MKS1: variants seen among roughly 807,000 people sequenced by gnomAD.
MKS1 encodes MKS transition zone complex subunit 1.
In MKS1, 70 loss-of-function variants were observed where a neutral mutation model predicts 83.7. The ratio of observed to expected loss-of-function variants is 0.84; its 90% CI spans 0.69 to 1.02. MKS1 has a LOEUF of 1.02. MKS1 is among the 50% of genes least tolerant of loss of function. MKS1 has a pLI of 0.00. For synonymous variants in MKS1, 251 were observed against 273.4 expected (o/e 0.92, Z 0.81); for missense variants, 681 against 726.9 (o/e 0.94, Z 0.73).
chr17:58,211,904 TG>T (rs1179425936), intron 9 of MKS1, among the ~76,000 whole-genome samples: 1 of 151,992 alleles, frequency 6.6e-6, no homozygotes, highest in Non-Finnish European at 1.5e-5. Flanking sequence ...CAAACAGAAA[TG>T]GCACCCCTGC....
In MKS1 at chr17:58,209,464, A is replaced by C. The variant is rs1968744262; in HGVS notation, c.1025-881T>G. Among the ~76,000 whole-genome samples the C allele has an allele frequency of 6.6e-6, 1 of 152,206 alleles. No homozygotes were observed. ...GGGTAGTGATGAGTGCTATACTAAA[A>C]ACAAAACGGGGAAGGGACTGAGTGA... On this transcript the variant is annotated intron_variant, in intron 11 of 17. Transcript: ENST00000393119. The surrounding 1 kb of genome is among the most constrained non-coding windows in gnomAD (Gnocchi z 4.1).
chr17:58,214,355 G>C lies in MKS1; in HGVS notation c.548C>G (p.Thr183Ser), dbSNP rs775805558. The C allele has an allele frequency of 8.7e-6, 14 of 1,613,570 alleles. No individual in the cohort carries two copies. The highest frequency in any genetic ancestry group is 2.7e-5 in the African/African-American group (2 of 74,878). ...GACAAACTCTTCTGAGGGCTCCCAG[G>C]TGACGATGCGTGACTTGAGGATGCC... ...EGGILKSRIV[T>S]WEPSEEFVRN... Residue 183 changes from threonine (T) to serine (S), a missense_variant, in exon 6 of 18, where the codon ACC becomes AGC. Physicochemically the swap from Thr to Ser is moderately conservative, Grantham distance 58. Around this residue, in one of 3 missense-constraint regions of MKS1, gnomAD observed 365 missense variants for 383.8 expected, o/e 0.95. Coordinates refer to ENST00000393119, the MANE Select transcript of MKS1 (RefSeq NM_017777.4).
At chr17:58,210,796 G>T in intron 10 of MKS1, 72 bp from the exon 11 acceptor site, 1 of 1,505,898 alleles carries the variant, frequency 6.6e-7, no homozygotes, top group South Asian at 1.1e-5. Context: ...AATCCTGAGG[G>T]GCCTACACAC....
Position 58,216,077 on chromosome 17 carries a change from A to G in MKS1, c.417+11T>C. 2 of 1,614,104 alleles carry G rather than the reference A, an allele frequency of 1.2e-6. No homozygotes were observed. Among genetic ancestry groups the G allele is most frequent in the Non-Finnish European group, 1.7e-6 (2 of 1,179,950 alleles). On this transcript the variant is annotated intron_variant, in intron 4 of 17. Coordinates refer to ENST00000393119, the MANE Select transcript of MKS1 (RefSeq NM_017777.4). ...AAGATGGAAGCTATGAGACCCTAGA[A>G]AGAACAATACCTCCTCCAAATTGGT...
At chr17:58,212,630 C>G (rs548274898) in intron 8 of MKS1, among the ~76,000 whole-genome samples, 196 bp from the exon 9 acceptor site, 1 of 152,156 alleles carries the variant, frequency 6.6e-6, no homozygotes, top group African/African-American at 2.4e-5. Flanking sequence ...TGACTCTCGC[C>G]CTTACAAGCT....
chr17:58,208,452 C>A, intron 12 of MKS1, 61 bp downstream of exon 12: 2 of 1,588,252 alleles, frequency 1.3e-6, no homozygotes, highest in South Asian at 1.1e-5. Flanking sequence ...GATAAAACCT[C>A]AAATGCCATC....
chr17:58,215,959 TCA>T, intron 4 of MKS1, 127 bp downstream of exon 4: 1 of 1,154,480 alleles, frequency 8.7e-7, no homozygotes, highest in Non-Finnish European at 1.3e-6. Context: ...CAGCAGCAGC[TCA>T]CAGCAGTTCC....
intron 14 of MKS1, chr17:58,207,693 C>T: frequency 1.5e-6 from 1 of 652,116 alleles, no homozygotes. Context: ...CATGGAGAGA[C>T]TGTCAGGAAG....
In MKS1 at chr17:58,214,901, G is replaced by C. The variant is rs1198783141; in HGVS notation, c.418-63C>G. 4 of 1,548,024 alleles carry C rather than the reference G, an allele frequency of 2.6e-6. No homozygotes were observed. In the African/African-American group the frequency reaches 4.1e-5, roughly 16 times the overall value. ...CAGGGCCACATGGAGCCAAGTACCT[G>C]AAGGGAAGTCTTCCTCCTGAAACCT... On this transcript the variant is annotated intron_variant, in intron 4 of 17. Transcript: ENST00000393119.
chr17:58,216,592 G>C (rs1969231881), intron 3 of MKS1, 74 bp downstream of exon 3: 4 of 1,482,742 alleles, frequency 2.7e-6, no homozygotes, highest in African/African-American at 2.8e-5. Context: ...AAATCACTTT[G>C]GCAATATGTA....
rs756853299 is a variant in MKS1 at position 58,214,748 on chromosome 17, G to A, written c.508C>T (p.Arg170Ter). 10 of 1,605,650 alleles carry A rather than the reference G, an allele frequency of 6.2e-6. No homozygotes were observed. The highest frequency in any genetic ancestry group is 5.5e-5 in the South Asian group (5 of 90,874). The change falls in exon 5 of 18, where the codon CGA (arginine) becomes TGA (stop). Residue 170 changes from arginine (R) to a stop codon, truncating the protein, a stop_gained. Coordinates refer to ENST00000393119, the MANE Select transcript of MKS1 (RefSeq NM_017777.4). LOFTEE classifies it high-confidence loss of function. ...TCCCATGCCCGCACTCACATCCCTC[G>A]CCTGTCCTGCCGGCGACGCCTGACA... ...ANVRRRRQDR[R>*]GMEGGILKSR... is the part of the protein sequence containing the mutation.
At chr17:58,206,695 TCAAGGCTAATACTGG>T in intron 15 of MKS1, 148 bp from the exon 16 acceptor site, 1 of 834,652 alleles carries the variant, frequency 1.2e-6, no homozygotes, top group Non-Finnish European at 2.0e-6. Flanking sequence ...CTCTATTACC[TCAAGGCTAATACTGG>T]GCTATTGGGC....
chr17:58,208,820 C>T (rs1968694462), intron 11 of MKS1, among the ~76,000 whole-genome samples: 1 of 152,086 alleles, frequency 6.6e-6, no homozygotes, highest in Non-Finnish European at 1.5e-5. Context: ...CGGCCTTCCA[C>T]AGTGTTTGTG....
In MKS1 at chr17:58,218,723, G is replaced by A; in HGVS notation, c.87C>T (p.His29=). 1 of 1,613,392 alleles carries A rather than the reference G, an allele frequency of 6.2e-7. No individual in the cohort carries two copies. The highest frequency in any genetic ancestry group is 8.5e-7 in the Non-Finnish European group (1 of 1,179,412). ...AGTTGCTTGATGTGATTCTTTGCAG[G>A]TGGACTCTGTCAAGAAAAGCCCAAA... ...DPVRNLRLRV[H]LQRITSSNFL... The change falls in exon 2 of 18, where the codon CAC becomes CAT. Residue 29 remains histidine, a synonymous_variant. Transcript: ENST00000393119.
In MKS1 at chr17:58,216,756, A is replaced by C. The variant is rs371519049; in HGVS notation, c.191-20T>G. On this transcript the variant is annotated intron_variant, in intron 2 of 17. Transcript: ENST00000393119. ...GTCCACCTCCAAAGACAACAGAGTG[A>C]ATCAAATGCTTGAGCCAAACCAGCA... The C allele has an allele frequency of 6.2e-7, 1 of 1,613,056 alleles. No individual in the cohort carries two copies. The highest frequency in any genetic ancestry group is 8.5e-7 in the Non-Finnish European group (1 of 1,179,132).
Position 58,208,543 on chromosome 17 carries a change from T to G in MKS1, c.1065A>C (p.Thr355=). The change falls in exon 12 of 18, where the codon ACA becomes ACC. Residue 355 remains threonine, a synonymous_variant. Coordinates refer to ENST00000393119, the MANE Select transcript of MKS1 (RefSeq NM_017777.4). ...SPAFQQLSGV[T]QTCTTKSLAM... is the part of the protein sequence containing the mutation. ...CCAGGGACTTGGTGGTGCAGGTCTG[T>G]GTTACTCCTGAGAGCTGCTGGAATG... 1 of 1,614,150 alleles carries G rather than the reference T, an allele frequency of 6.2e-7. No homozygotes were observed. The highest frequency in any genetic ancestry group is 8.5e-7 in the Non-Finnish European group (1 of 1,180,024).
At chr17:58,210,606 C>T in intron 11 of MKS1, 53 bp downstream of exon 11, 8 of 1,530,148 alleles carry the variant, frequency 5.2e-6, no homozygotes, top group Non-Finnish European at 7.2e-6. Context: ...GACCAAATGC[C>T]TCTAGATCTG....
In MKS1 at chr17:58,208,116, T is replaced by C; in HGVS notation, c.1154A>G (p.Asp385Gly). 2.5e-6 allele frequency: 4 copies of C among 1,613,590 alleles called. No individual in the cohort carries two copies. The highest frequency in any genetic ancestry group is 2.2e-5 in the East Asian group (1 of 44,880). ...GCTGAGCTACTCACCAGAAGATTCATCCTCATGGAGGAAGAAGGCTTCAAA... is the reference window on the plus strand; with the variant it reads ...GCTGAGCTACTCACCAGAAGATTCACCCTCATGGAGGAAGAAGGCTTCAAA... Reference protein sequence around the residue: ...FTFEAFFLHEDESSDALPEWP... With the variant: ...FTFEAFFLHEGESSDALPEWP... Residue 385 changes from aspartate (D) to glycine (G), a missense_variant, in exon 13 of 18, where the codon GAT (aspartate) becomes GGT (glycine). Asp to Gly is a moderately conservative substitution (Grantham distance 94). This residue lies in a region of MKS1 where 310 missense variants were observed against 321.7 expected (regional missense o/e 0.96). Transcript: ENST00000393119.
At position 58,208,265 on chromosome 17, in the gene MKS1, A is replaced by C. The variant is rs556283042; in HGVS notation, c.1096-91T>G. 4.0e-5 allele frequency: 50 copies of C among 1,248,590 alleles called. No homozygotes were observed. In the East Asian group the frequency reaches 1.1e-3, roughly 27 times the overall value. 77.3% of individuals were successfully genotyped at this position (1,248,590 alleles called of 1,614,324 possible). On this transcript the variant is annotated intron_variant, in intron 12 of 17. Coordinates refer to ENST00000393119, the MANE Select transcript of MKS1 (RefSeq NM_017777.4). ...GACAAGGTTATCTTCACAAGGGAAAAAGAAAAATTATCACCCAGGTGGGAA... is the reference window on the plus strand; with the variant it reads ...GACAAGGTTATCTTCACAAGGGAAACAGAAAAATTATCACCCAGGTGGGAA...
Sources: allele counts gnomAD v4.1 joint callset (sites outside exome capture counted in the v4.1 genomes callset), GRCh38; gene constraint gnomAD v4.1.1; regional missense constraint gnomAD v4.1.1; non-coding constraint Gnocchi (gnomAD v3.1); transcripts MANE v1.5; gene names NCBI Gene and HGNC (gene_info 2026-07-23, HGNC 2026-07-21).